The following CTNNA2 variants were observed in gnomAD, a reference collection of about 807,000 sequenced individuals.
CTNNA2 encodes catenin alpha-2.
In CTNNA2, 42 loss-of-function variants were observed where a neutral mutation model predicts 101.0. The observed-to-expected ratio is 0.42, with a 90% CI of 0.32 to 0.54. CTNNA2 has a LOEUF of 0.54. Ranked by LOEUF, CTNNA2 falls within the 20% of genes least tolerant of loss-of-function variation. CTNNA2 has a pLI of 0.14. For missense variants in CTNNA2, 871 were observed against 1,223.1 expected, an observed-to-expected ratio of 0.71 and a Z score of 4.29; for synonymous variants, 450 against 456.4, an observed-to-expected ratio of 0.99 and a Z score of 0.18.
chr2:80,122,065 ACT>A (rs1381705216), intron 7 of CTNNA2, among the ~76,000 whole-genome samples: 1 of 152,118 alleles, frequency 6.6e-6, no homozygotes, highest in Non-Finnish European at 1.5e-5. Flanking sequence ...CCCTGGTTTG[ACT>A]GCTAAGAATC....
chr2:79,218,311 TTGTGTGTG>T (rs60680995), intron 2 of CTNNA2, among the ~76,000 whole-genome samples: 5,461 of 114,718 alleles, frequency 0.048, 177 homozygotes, highest in Admixed American at 0.11. Flanking sequence ...TTCATGAACT[TTGTGTGTG>T]TGTGTGTGTG....
intron 2 of CTNNA2, among the ~76,000 whole-genome samples, chr2:79,228,386 C>A (rs76338222): frequency 6.6e-6 from 1 of 152,190 alleles, no homozygotes; most frequent in African/African-American, 2.4e-5. Flanking sequence ...TAAACGCATT[C>A]CCTTCTCTCC....
chr2:79,496,627 A>T (rs1446083750), intron 4 of CTNNA2, among the ~76,000 whole-genome samples: 1 of 151,958 alleles, frequency 6.6e-6, no homozygotes, highest in Non-Finnish European at 1.5e-5. Flanking sequence ...TGTTGATATT[A>T]ACTCCATTCT....
intron 9 of CTNNA2, among the ~76,000 whole-genome samples, chr2:80,420,564 T>A (rs1274234973): frequency 6.6e-6 from 1 of 152,074 alleles, no homozygotes; most frequent in Non-Finnish European, 1.5e-5. Context: ...GAAAATAAGT[T>A]CTTTTTTTTT....
chr2:79,854,522 C>T lies in CTNNA2; in HGVS notation c.299-3491C>T, dbSNP rs1414780835. Among the ~76,000 whole-genome samples, 4 of 152,192 alleles carry T rather than the reference C, an allele frequency of 2.6e-5. No homozygotes were observed. The East Asian group carries it at 7.7e-4, about 29-fold the overall frequency. On this transcript the variant is annotated intron_variant, in intron 3 of 18. Transcript: ENST00000402739. ...TTGGGGTGGAGTCGAGATCTGAACC[C>T]AGGTCAATGTGACTTTGTTTATCCT...
intron 1 of CTNNA2, among the ~76,000 whole-genome samples, chr2:79,526,368 A>G (rs1456689028): frequency 6.6e-6 from 1 of 152,082 alleles, no homozygotes; most frequent in Non-Finnish European, 1.5e-5. Context: ...AAATATATGT[A>G]TGTTCACAAA....
At chr2:79,620,422 C>T (rs907898404) in intron 1 of CTNNA2, among the ~76,000 whole-genome samples, 1 of 152,164 alleles carries the variant, frequency 6.6e-6, no homozygotes, top group East Asian at 1.9e-4. Context: ...TGAAATGTCA[C>T]CTTATATGTG....
At chr2:80,103,786 G>C (rs562484035) in intron 7 of CTNNA2, among the ~76,000 whole-genome samples, 5 of 152,192 alleles carry the variant, frequency 3.3e-5, no homozygotes, top group Non-Finnish European at 5.9e-5. Flanking sequence ...CCAGGCTGGA[G>C]TGCAGTGGCG....
intron 3 of CTNNA2, among the ~76,000 whole-genome samples, chr2:79,347,441 TAAATA>T (rs907999240): frequency 2.6e-5 from 4 of 152,220 alleles, no homozygotes; most frequent in Admixed American, 1.3e-4. Context: ...TTGGGAGAAT[TAAATA>T]AAATAAGTCT....
chr2:79,262,177 T>C (rs1674931400), intron 2 of CTNNA2, among the ~76,000 whole-genome samples: 1 of 151,914 alleles, frequency 6.6e-6, no homozygotes, highest in African/African-American at 2.4e-5. Flanking sequence ...AAAAATACAA[T>C]AAAATAAACA....
chr2:79,210,432 TG>T (rs1293876177), intron 2 of CTNNA2, among the ~76,000 whole-genome samples: 1 of 152,102 alleles, frequency 6.6e-6, no homozygotes, highest in African/African-American at 2.4e-5. Context: ...ATGATCTGAT[TG>T]CCTCTTGGGT....
At chr2:79,586,121 T>G (rs548078496) in intron 1 of CTNNA2, among the ~76,000 whole-genome samples, 4 of 152,130 alleles carry the variant, frequency 2.6e-5, no homozygotes, top group Admixed American at 2.0e-4. Context: ...CTCTGTGGCA[T>G]CCTGTACTCC....
chr2:80,573,930 T>G (rs1694818576), intron 12 of CTNNA2, among the ~76,000 whole-genome samples: 2 of 152,284 alleles, frequency 1.3e-5, no homozygotes, highest in Admixed American at 6.5e-5. Flanking sequence ...AAACTTTGTC[T>G]TTTGCAAACC....
chr2:79,870,454 G>A (rs938754772), intron 5 of CTNNA2, among the ~76,000 whole-genome samples: 14 of 151,710 alleles, frequency 9.2e-5, no homozygotes, highest in African/African-American at 3.2e-4. Context: ...AGAGAGAACA[G>A]GGGGAAAAGG....
chr2:79,740,534 A>G (rs1050466640), intron 2 of CTNNA2, among the ~76,000 whole-genome samples: 2 of 152,168 alleles, frequency 1.3e-5, no homozygotes, highest in Non-Finnish European at 2.9e-5. Flanking sequence ...ATTACAGGGC[A>G]TTGCAGGAAG....
At chr2:79,795,705 G>T (rs981796801) in intron 3 of CTNNA2, among the ~76,000 whole-genome samples, 6 of 152,166 alleles carry the variant, frequency 3.9e-5, no homozygotes, top group African/African-American at 1.4e-4. Context: ...TAAGAGTACA[G>T]TACTGATGTG....
chr2:79,324,468 C>A (rs1344340231), intron 3 of CTNNA2, among the ~76,000 whole-genome samples: 1 of 152,146 alleles, frequency 6.6e-6, no homozygotes, highest in African/African-American at 2.4e-5. Flanking sequence ...GTGGACTTAA[C>A]CACCTGCTCA....
intron 9 of CTNNA2, among the ~76,000 whole-genome samples, chr2:80,468,485 C>G (rs1685038177): frequency 6.6e-6 from 1 of 152,100 alleles, no homozygotes; most frequent in Admixed American, 6.5e-5. Flanking sequence ...GTGGTGCAAT[C>G]TCGGCTCACT....
chr2:79,519,571 A>G (rs1008039152), intron 1 of CTNNA2, among the ~76,000 whole-genome samples: 1 of 152,174 alleles, frequency 6.6e-6, no homozygotes, highest in Non-Finnish European at 1.5e-5. Flanking sequence ...ATAAAATTCT[A>G]TAATTCTACA....
Sources: allele counts gnomAD v4.1 joint callset (sites outside exome capture counted in the v4.1 genomes callset), GRCh38; gene constraint gnomAD v4.1.1; transcripts MANE v1.5; gene names NCBI Gene and HGNC (gene_info 2026-07-23, HGNC 2026-07-21).